The following SYNE1 variants were observed in gnomAD, a reference collection of about 807,000 sequenced individuals.
SYNE1 encodes spectrin repeat containing nuclear envelope protein 1.
In SYNE1, 616 loss-of-function variants were observed where a neutral mutation model predicts 1,111.0. The observed-to-expected ratio is 0.55, with a 90% confidence interval of 0.52 to 0.59. The LOEUF (loss-of-function observed/expected upper bound fraction) is 0.59. Ranked by LOEUF, SYNE1 falls within the 20% of genes least tolerant of loss-of-function variation. The pLI is 0.00. For synonymous variants in SYNE1, 3,855 were observed against 3,825.8 expected (o/e 1.01, Z -0.28); for missense variants, 10,006 against 10,417.0 (o/e 0.96, Z 1.72).
intron 98 of SYNE1, chr6:152,277,423 G>GT (rs1441936986): frequency 6.6e-6 from 1 of 151,396 alleles, no homozygotes. Flanking sequence ...GATTACAGGT[G>GT]TCCACCACAA....
At chr6:152,596,214 A>T (rs1565077443) in intron 3 of SYNE1, among the ~76,000 whole-genome samples, 1 of 142,278 alleles carries the variant, frequency 7.0e-6, no homozygotes, top group African/African-American at 2.6e-5. Context: ...ATTATGAGGT[A>T]TTTTTTGACC....
At chr6:152,418,410 T>C (rs2098198564) in intron 40 of SYNE1, among the ~76,000 whole-genome samples, 1 of 152,186 alleles carries the variant, frequency 6.6e-6, no homozygotes, top group African/African-American at 2.4e-5. Flanking sequence ...GAAAGTTGCT[T>C]TTCCCTGCCA....
chr6:152,413,242 A>G (rs560145011), intron 42 of SYNE1, 110 bp downstream of exon 42: 139 of 1,181,924 alleles, frequency 1.2e-4, no homozygotes, highest in Middle Eastern at 1.2e-3. Flanking sequence ...AATATCTAAA[A>G]TGGTAAAAGA....
chr6:152,600,523 G>T (rs1441914080), intron 3 of SYNE1, among the ~76,000 whole-genome samples: 1 of 152,130 alleles, frequency 6.6e-6, no homozygotes, highest in East Asian at 1.9e-4. Context: ...ATGAGTAGAA[G>T]CTATGGTAAC....
Position 152,480,435 on chromosome 6 carries a change from C to T in SYNE1, c.1350+2650G>A, listed in dbSNP as rs367848297. Among the ~76,000 whole-genome samples, 16 of 152,242 alleles carry T rather than the reference C, an allele frequency of 1.1e-4. No individual in the cohort carries two copies. In the South Asian group the frequency reaches 2.3e-3, roughly 22 times the overall value. ...ACATGGGAGGCTGAGGCAGGAGAAT[C>T]GCTTGAACCTGGGAAGAAGAGGTTG... On this transcript the variant is annotated intron_variant, in intron 14 of 145. Transcript: ENST00000367255.
chr6:152,337,645 C>A (rs9383990), intron 75 of SYNE1, among the ~76,000 whole-genome samples: 8 of 152,220 alleles, frequency 5.3e-5, no homozygotes, highest in South Asian at 2.1e-4. Context: ...ATGGTTTTTC[C>A]CATTGGGCAT....
At chr6:152,442,631 A>G (rs1564055849) in intron 30 of SYNE1, among the ~76,000 whole-genome samples, 1 of 152,246 alleles carries the variant, frequency 6.6e-6, no homozygotes, top group Non-Finnish European at 1.5e-5. Context: ...TATTTATTTT[A>G]TTAAAATGCA....
intron 104 of SYNE1, 129 bp from the exon 105 acceptor site, chr6:152,249,391 T>C: frequency 1.4e-6 from 1 of 710,676 alleles, no homozygotes; most frequent in Non-Finnish European, 2.6e-6. Flanking sequence ...AACAATACTG[T>C]GCTATGGGAA....
At chr6:152,382,061 T>C (rs1391216860) in intron 55 of SYNE1, among the ~76,000 whole-genome samples, 1 of 152,194 alleles carries the variant, frequency 6.6e-6, no homozygotes, top group East Asian at 1.9e-4. Context: ...TTTAGCTCGA[T>C]CTTAAAGCAC....
chr6:152,231,617 T>G, intron 113 of SYNE1, 50 bp from the exon 114 acceptor site: 1 of 1,583,292 alleles, frequency 6.3e-7, no homozygotes, highest in Non-Finnish European at 8.6e-7. Context: ...GTCTCATTAG[T>G]TTTCCAGGAG....
At chr6:152,481,751 A>G (rs917896308) in intron 14 of SYNE1, among the ~76,000 whole-genome samples, 1 of 151,110 alleles carries the variant, frequency 6.6e-6, no homozygotes, top group Non-Finnish European at 1.5e-5. Context: ...TGGCCCAGGA[A>G]ACTGATTCAA....
At chr6:152,176,014 AT>A (rs3215782) in intron 130 of SYNE1, among the ~76,000 whole-genome samples, 520 of 142,514 alleles carry the variant, frequency 3.6e-3, no homozygotes, top group Middle Eastern at 0.015. Context: ...AGATTTAGTA[AT>A]TTTTTTTTTT....
chr6:152,139,101 T>C (rs1464384573), intron 140 of SYNE1, among the ~76,000 whole-genome samples: 1 of 152,184 alleles, frequency 6.6e-6, no homozygotes, highest in Non-Finnish European at 1.5e-5. Flanking sequence ...TATAGGCCTG[T>C]AGGAGCCAGG....
chr6:152,369,982 C>CAAAAAAAAAAA (rs778013525), intron 59 of SYNE1, among the ~76,000 whole-genome samples: 8 of 49,986 alleles, frequency 1.6e-4, no homozygotes, highest in African/African-American at 5.8e-4. Context: ...GACTCTGTCT[C>CAAAAAAAAAAA]AAAAAAAAAA....
intron 39 of SYNE1, among the ~76,000 whole-genome samples, chr6:152,422,936 A>G (rs1055389464): frequency 1.3e-5 from 2 of 152,220 alleles, no homozygotes; most frequent in African/African-American, 4.8e-5. Context: ...ACTCCAAAAT[A>G]TATTTCTTTG....
chr6:152,511,407 AT>A lies in SYNE1; in HGVS notation c.310-305del, dbSNP rs368131443. ...AACAAAAATGTCAAACAGAAAAAAA[AT>A]GTTATTATTTATATTTAGAGGTTGA... On this transcript the variant is annotated intron_variant, in intron 6 of 145. Transcript: ENST00000367255. 2.8e-4 allele frequency among the ~76,000 whole-genome samples: 42 copies of A among 152,298 alleles called. 1 individual carries two copies. The East Asian group carries it at 6.8e-3, about 24-fold the overall frequency.
At chr6:152,346,521 G>C (rs1053878387) in intron 73 of SYNE1, among the ~76,000 whole-genome samples, 1 of 151,914 alleles carries the variant, frequency 6.6e-6, no homozygotes, top group East Asian at 1.9e-4. Context: ...AAACAAATTG[G>C]ATAAAACAAT....
At chr6:152,347,458 A>T (rs1472313989) in intron 72 of SYNE1, among the ~76,000 whole-genome samples, 1 of 152,180 alleles carries the variant, frequency 6.6e-6, no homozygotes, top group Non-Finnish European at 1.5e-5. Flanking sequence ...ATAAGGAATG[A>T]TGAAGTAACC....
chr6:152,216,874 T>A (rs1202336389), intron 121 of SYNE1, among the ~76,000 whole-genome samples: 1 of 151,692 alleles, frequency 6.6e-6, no homozygotes. Context: ...GCCAACATAG[T>A]GAACCACCCC....
Sources: allele counts gnomAD v4.1 joint callset (sites outside exome capture counted in the v4.1 genomes callset), GRCh38; gene constraint gnomAD v4.1.1; transcripts MANE v1.5; gene names NCBI Gene and HGNC (gene_info 2026-07-23, HGNC 2026-07-21).